CCDC7: variants seen among roughly 807,000 people sequenced by gnomAD.
The protein encoded by CCDC7 is coiled-coil domain-containing protein 7.
Under a neutral mutation model 196.9 loss-of-function variants are expected in CCDC7, and 183 were observed. The observed-to-expected ratio is 0.93, with a 90% confidence interval of 0.82 to 1.05. The LOEUF is 1.05. CCDC7 is among the 50% of genes least tolerant of loss of function. CCDC7 has a pLI of 0.00. For missense variants in CCDC7, 1,540 were observed against 1,482.2 expected, an observed-to-expected ratio of 1.04 and a Z score of -0.64; for synonymous variants, 525 against 484.6, an observed-to-expected ratio of 1.08 and a Z score of -1.10.
chr10:32,764,495 G>C (rs2077963676), intron 28 of CCDC7, among the ~76,000 whole-genome samples: 1 of 151,872 alleles, frequency 6.6e-6, no homozygotes, highest in Non-Finnish European at 1.5e-5. Context: ...CAGCATGGAG[G>C]TTAGAAAGGA....
rs568368945 is a variant in CCDC7 at position 32,511,267 on chromosome 10, G to T, written c.873-6678G>T. 6.3e-4 allele frequency: 347 copies of T among 553,502 alleles called. 39 individuals are homozygous for T. In the African/African-American group the frequency reaches 6.9e-3, roughly 11 times the overall value. 34.3% of individuals were successfully genotyped at this position (553,502 alleles called of 1,614,324 possible). On this transcript the variant is annotated intron_variant, in intron 9 of 41. Transcript: ENST00000639629. ...AGAATTATTCTGTGGGGGGCGGGGGGGGCGGGGAAATGTACTTTTTGAATA... is the reference window on the plus strand; with the variant it reads ...AGAATTATTCTGTGGGGGGCGGGGGTGGCGGGGAAATGTACTTTTTGAATA...
chr10:32,699,331 G>C (rs2078255513), intron 24 of CCDC7, among the ~76,000 whole-genome samples: 1 of 151,154 alleles, frequency 6.6e-6, no homozygotes, highest in African/African-American at 2.4e-5. Flanking sequence ...GCCATAGTTT[G>C]CTGAGAATGA....
chr10:32,698,060 AC>A (rs1366175000), intron 24 of CCDC7, among the ~76,000 whole-genome samples: 1 of 152,218 alleles, frequency 6.6e-6, no homozygotes, highest in Non-Finnish European at 1.5e-5. Context: ...ACCCAGGCAA[AC>A]AGGGTCTGGA....
intron 41 of CCDC7, among the ~76,000 whole-genome samples, chr10:32,874,055 GTAAC>G (rs1489056679): frequency 4.0e-5 from 6 of 151,196 alleles, no homozygotes; most frequent in African/African-American, 1.5e-4. Context: ...GTCTCAAAAA[GTAAC>G]TAGTCTCAAG....
intron 21 of CCDC7, among the ~76,000 whole-genome samples, chr10:32,684,213 A>G (rs1163029272): frequency 6.6e-6 from 1 of 152,060 alleles, no homozygotes; most frequent in Non-Finnish European, 1.5e-5. Context: ...TGGGGCCCTT[A>G]TCCTGGGGCG....
chr10:32,622,923 G>T (rs1192264906), intron 18 of CCDC7, among the ~76,000 whole-genome samples: 1 of 152,026 alleles, frequency 6.6e-6, no homozygotes, highest in African/African-American at 2.4e-5. Flanking sequence ...TGCAAGGTTG[G>T]CTTAACACTT....
chr10:32,633,880 CATG>C (rs1472588873), intron 18 of CCDC7, among the ~76,000 whole-genome samples: 1 of 151,558 alleles, frequency 6.6e-6, no homozygotes, highest in Non-Finnish European at 1.5e-5. Flanking sequence ...TAAAGGTAAC[CATG>C]TATATTGTTT....
intron 20 of CCDC7, among the ~76,000 whole-genome samples, chr10:32,644,910 A>G (rs915845357): frequency 2.0e-5 from 3 of 152,216 alleles, no homozygotes; most frequent in African/African-American, 7.2e-5. Flanking sequence ...ATACAACTGG[A>G]TAGTATTCAT....
At chr10:32,854,314 G>T (rs1471221735) in intron 40 of CCDC7, 86 bp from the exon 42 acceptor site, 9 of 788,074 alleles carry the variant, frequency 1.1e-5, no homozygotes, top group East Asian at 1.1e-4. Flanking sequence ...CTGTGTTTTA[G>T]AATACTAAGA....
chr10:32,786,223 G>A (rs754505019), intron 29 of CCDC7, among the ~76,000 whole-genome samples: 8 of 152,118 alleles, frequency 5.3e-5, no homozygotes, highest in Admixed American at 3.3e-4. Flanking sequence ...AATGATTTGC[G>A]AATACCTAAA....
intron 2 of CCDC7, among the ~76,000 whole-genome samples, chr10:32,454,532 A>C (rs1245090276): frequency 6.6e-6 from 1 of 152,054 alleles, no homozygotes; most frequent in Non-Finnish European, 1.5e-5. Context: ...CAGTATATCC[A>C]GGTAACAAAC....
In CCDC7 at chr10:32,657,124, G is replaced by A. The variant is rs181896990; in HGVS notation, c.2015-6930G>A. 1.6e-4 allele frequency among the ~76,000 whole-genome samples: 25 copies of A among 152,358 alleles called. No homozygotes were observed. The East Asian group carries it at 4.8e-3, about 29-fold the overall frequency. The stretch of plus-strand genomic sequence containing the variant: ...CACCCTTGTGGCTTTGTGGGGTACA[G>A]CCCCATTCCCAGGTGCCTTCACAGC... On this transcript the variant is annotated intron_variant, in intron 20 of 41. Coordinates refer to ENST00000639629, the Ensembl canonical transcript of CCDC7.
Position 32,729,466 on chromosome 10 carries a change from T to G in CCDC7, c.2905+9T>G, listed in dbSNP as rs754765963. 3 of 1,150,832 alleles carry G rather than the reference T, an allele frequency of 2.6e-6. No homozygotes were observed. Among genetic ancestry groups the G allele is most frequent in the Non-Finnish European group, 3.7e-6 (3 of 809,826 alleles). 71.3% of individuals were successfully genotyped at this position (1,150,832 alleles called of 1,614,324 possible). A position where few individuals can be genotyped will look rare whatever the true frequency, so the allele number is the denominator to read the frequency against. On this transcript the variant is annotated intron_variant, in intron 28 of 41. Transcript: ENST00000639629. ...AGTAACTTCAAGAAAAAGTAAGTAA[T>G]TATTTATAAATCTTATAAATTGTTT...
rs181763018 is a variant in CCDC7 at position 32,737,748 on chromosome 10, A to G, written c.2905+8291A>G. On this transcript the variant is annotated intron_variant, in intron 28 of 41. Coordinates refer to ENST00000639629, the Ensembl canonical transcript of CCDC7. ...AAGTATTACTATGTTTTCTTGAATA[A>G]TGACCTTTTTATCACTGTGTAATGT... Among the ~76,000 whole-genome samples the G allele has an allele frequency of 7.2e-3, 1,100 of 152,238 alleles. 6 individuals carry two copies. Among genetic ancestry groups the G allele is most frequent in the Non-Finnish European group, 0.01 (707 of 68,004 alleles).
intron 25 of CCDC7, among the ~76,000 whole-genome samples, chr10:32,714,072 G>A (rs1488555786): frequency 6.6e-6 from 1 of 152,188 alleles, no homozygotes; most frequent in East Asian, 1.9e-4. Context: ...AACCACTGTG[G>A]GAGTTTGGTT....
At chr10:32,513,610 T>G (rs1267000479) in intron 9 of CCDC7, 1 of 152,100 alleles carries the variant, frequency 6.6e-6, no homozygotes, top group Admixed American at 6.5e-5. Context: ...ACCAAAATAC[T>G]AGCAAACTGA....
intron 20 of CCDC7, among the ~76,000 whole-genome samples, chr10:32,646,900 A>G (rs2067863643): frequency 6.6e-6 from 1 of 152,152 alleles, no homozygotes; most frequent in African/African-American, 2.4e-5. Context: ...ATGTTGCTGC[A>G]AAGGACACGA....
intron 25 of CCDC7, among the ~76,000 whole-genome samples, chr10:32,723,956 A>T (rs1378874361): frequency 6.6e-6 from 1 of 152,024 alleles, no homozygotes; most frequent in Non-Finnish European, 1.5e-5. Flanking sequence ...TTTTGTTGCC[A>T]TTGCCTCCGA....
chr10:32,748,264 G>T (rs187515302), intron 28 of CCDC7, among the ~76,000 whole-genome samples: 1 of 151,988 alleles, frequency 6.6e-6, no homozygotes, highest in South Asian at 2.1e-4. Context: ...GTAATATGCT[G>T]TCACTACCTG....
Sources: allele counts gnomAD v4.1 joint callset (sites outside exome capture counted in the v4.1 genomes callset), GRCh38; gene constraint gnomAD v4.1.1; transcripts MANE v1.5; gene names NCBI Gene and HGNC (gene_info 2026-07-23, HGNC 2026-07-21).